The following CST3 variants were observed in gnomAD, a reference collection of about 807,000 sequenced individuals.
CST3 encodes cystatin C, also known as cystatin-C.
Under a neutral mutation model 9.0 loss-of-function variants are expected in CST3, and 14 were observed. The ratio of observed to expected loss-of-function variants is 1.56; its 90% CI spans 1.03 to 2.44. CST3 has a LOEUF of 2.44. Among genes scored for constraint, CST3 ranks in the 30% most tolerant of loss-of-function variants. The probability of loss-of-function intolerance (pLI) is 0.00; values close to 1 mark genes in which losing one functional copy is unlikely to be tolerated. For synonymous variants in CST3, 96 were observed against 90.2 expected (o/e 1.06, Z -0.37); for missense variants, 237 against 204.3 (o/e 1.16, Z -0.98).
chr20:23,632,738 C>T (rs781230302), downstream of CST3, among the ~76,000 whole-genome samples: 42 of 152,332 alleles, frequency 2.8e-4, no homozygotes, highest in South Asian at 1.7e-3. Flanking sequence ...GCCCCAGCAG[C>T]ACTGGCTGTA....
rs11542361 is a variant in CST3 at position 23,637,878 on chromosome 20, G to T, written c.-16C>A. On this transcript the variant is annotated 5_prime_UTR_variant, in exon 1 of 3. Coordinates refer to ENST00000376925, the MANE Select transcript of CST3 (RefSeq NM_000099.4). Reference sequence around the variant, plus strand: ...GCCCGGCCATGGTCGGCTAGGACGCGGGACGCGGGGAGTGGGGCGCAGGCG... The same window carrying T: ...GCCCGGCCATGGTCGGCTAGGACGCTGGACGCGGGGAGTGGGGCGCAGGCG... The T allele has an allele frequency of 7.2e-7, 1 of 1,386,898 alleles. No individual in the cohort carries two copies. Among genetic ancestry groups the T allele is most frequent in the Non-Finnish European group, 9.3e-7 (1 of 1,080,098 alleles). 85.9% of individuals were successfully genotyped at this position (1,386,898 alleles called of 1,614,324 possible). A position where few individuals can be genotyped will look rare whatever the true frequency, so the allele number is the denominator to read the frequency against.
downstream of CST3, among the ~76,000 whole-genome samples, chr20:23,633,301 C>T (rs111498024): frequency 6.3e-4 from 96 of 152,260 alleles, no homozygotes; most frequent in African/African-American, 1.7e-3. Context: ...CGAGCTCCAC[C>T]GAGGCCTGGC....
chr20:23,632,760 CCT>C (rs1055767525), downstream of CST3, among the ~76,000 whole-genome samples: 9 of 152,202 alleles, frequency 5.9e-5, no homozygotes, highest in Non-Finnish European at 1.2e-4. Flanking sequence ...GGGCTGCACC[CCT>C]GTCCTAAAAT....
At chr20:23,634,062 G>A in intron 2 of CST3, 63 bp from the exon 3 acceptor site, 3 of 1,332,258 alleles carry the variant, frequency 2.3e-6, no homozygotes, top group Non-Finnish European at 3.2e-6. Flanking sequence ...AGATGCCCAG[G>A]CACGGGACAT....
In CST3 at chr20:23,637,661, A is replaced by G. The variant is rs1329609451; in HGVS notation, c.202T>C (p.Tyr68His). ...GEYNKASNDM[Y>H]HSRALQVVRA... ...ACCACCTGCAGCGCGCGGCTGTGGT[A>G]CATGTCGTTGCTGGCTTTGTTGTAC... The change falls in exon 1 of 3, where the codon TAC becomes CAC. Residue 68 changes from tyrosine to histidine, a missense_variant. Tyr to His is a moderately conservative substitution (Grantham distance 83). Coordinates refer to ENST00000376925, the MANE Select transcript of CST3 (RefSeq NM_000099.4). 1 of 1,534,804 alleles carries G rather than the reference A, an allele frequency of 6.5e-7. No individual in the cohort carries two copies.
intron 1 of CST3, 73 bp downstream of exon 1, chr20:23,637,547 G>C: frequency 5.9e-6 from 8 of 1,359,748 alleles, no homozygotes; most frequent in Non-Finnish European, 7.7e-6. Flanking sequence ...GCAGCACGGG[G>C]TCCGGGAGCA....
intron 2 of CST3, 66 bp downstream of exon 2, chr20:23,635,188 A>G: frequency 8.1e-7 from 1 of 1,233,934 alleles, no homozygotes; most frequent in Non-Finnish European, 1.2e-6. Flanking sequence ...TGCATCACAC[A>G]CACACACACA....
chr20:23,633,132 A>G (rs1020189894), downstream of CST3, among the ~76,000 whole-genome samples: 1 of 152,138 alleles, frequency 6.6e-6, no homozygotes, highest in Non-Finnish European at 1.5e-5. Flanking sequence ...GCTCAGTTAC[A>G]CAGACAGGCT....
chr20:23,630,744 C>T (rs1952099363), downstream of CST3, among the ~76,000 whole-genome samples: 1 of 148,916 alleles, frequency 6.7e-6, no homozygotes, highest in African/African-American at 2.5e-5. Context: ...CCTCTAAGTC[C>T]ATAAATAATA....
rs1046602085 is a variant in CST3 at position 23,637,722 on chromosome 20, C to G, written c.141G>C (p.Glu47Asp). The G allele has an allele frequency of 6.5e-7, 1 of 1,543,700 alleles. No individual in the cohort carries two copies. Among genetic ancestry groups the G allele is most frequent in the South Asian group, 1.2e-5 (1 of 83,014 alleles). Residue 47 changes from glutamate (E) to aspartate (D), a missense_variant, in exon 1 of 3, where the codon GAG becomes GAC. Glu to Asp is a conservative substitution (Grantham distance 45, BLOSUM62 2). Coordinates refer to ENST00000376925, the MANE Select transcript of CST3 (RefSeq NM_000099.4). ...CAAAGTCCAGTGCACGCCGCACACC[C>G]TCCTCCTCCACGCTGGCGTCCATGG... ...GGPMDASVEE[E>D]GVRRALDFAV...
At chr20:23,636,441 A>C (rs116496577) in intron 1 of CST3, among the ~76,000 whole-genome samples, 1 of 152,098 alleles carries the variant, frequency 6.6e-6, no homozygotes, top group Non-Finnish European at 1.5e-5. Flanking sequence ...CAGCTGATAG[A>C]GGCAGGGTCA....
intron 1 of CST3, among the ~76,000 whole-genome samples, chr20:23,637,413 G>A (rs192685024): frequency 3.9e-4 from 59 of 152,210 alleles, no homozygotes; most frequent in Non-Finnish European, 7.1e-4. Context: ...CGGACCTGAC[G>A]TGTCCGTGCG....
rs1006800919 is a variant in CST3 at position 23,637,769 on chromosome 20, G to C, written c.94C>G (p.Pro32Ala). 1.3e-6 allele frequency: 2 copies of C among 1,529,132 alleles called. No individual in the cohort carries two copies. The highest frequency in any genetic ancestry group is 1.2e-5 in the South Asian group (1 of 81,808). 94.7% of individuals were successfully genotyped at this position (1,529,132 alleles called of 1,614,324 possible). Residue 32 changes from proline (P) to alanine (A), a missense_variant, in exon 1 of 3, where the codon CCG becomes GCG. Pro to Ala is a conservative substitution (Grantham distance 27). Transcript: ENST00000376925. ...SPAAGSSPGK[P>A]PRLVGGPMDA... The stretch of plus-strand genomic sequence containing the variant: ...ATGGGGCCTCCCACTAGGCGCGGCG[G>C]CTTGCCGGGACTGGAGCCGGCCGCG...
rs573014570 is a variant in CST3 at position 23,636,808 on chromosome 20, T to C, written c.243+812A>G. ...AGGGGACAGGACAGGGCTGAACTCA[T>C]GCACTCATGGCCCAGGAGCGTCCTA... is the stretch of plus-strand genomic sequence containing the variant. On this transcript the variant is annotated intron_variant, in intron 1 of 2. Coordinates refer to ENST00000376925, the MANE Select transcript of CST3 (RefSeq NM_000099.4). 9.8e-5 allele frequency among the ~76,000 whole-genome samples: 15 copies of C among 152,286 alleles called. 1 individual carries two copies. In the South Asian group the frequency reaches 3.1e-3, roughly 32 times the overall value.
downstream of CST3, among the ~76,000 whole-genome samples, chr20:23,632,604 T>C (rs1305279848): frequency 6.6e-6 from 1 of 152,226 alleles, no homozygotes; most frequent in Non-Finnish European, 1.5e-5. Context: ...GGACAGCATG[T>C]GGGGTGCTGG....
chr20:23,629,219 GA>G (rs1568700950), downstream of CST3: 1 of 152,284 alleles, frequency 6.6e-6, no homozygotes, highest in East Asian at 1.9e-4. Flanking sequence ...GAGAGGGGAG[GA>G]GGGGTGAATC....
At chr20:23,627,453 T>C (rs901842441) in exon 4 of CST3, 1 of 152,238 alleles carries the variant, frequency 6.6e-6, no homozygotes, top group African/African-American at 2.4e-5. Context: ...TGATGGACAT[T>C]TGAGGTTTTT....
chr20:23,629,734 TGGGG>T (rs72386437), downstream of CST3, among the ~76,000 whole-genome samples: 421 of 115,182 alleles, frequency 3.7e-3, 7 homozygotes, highest in African/African-American at 0.014. Context: ...CAGTGACTGG[TGGGG>T]GGGGGAGGGG....
At chr20:23,630,833 T>TAAAG (rs1029143710), downstream of CST3, among the ~76,000 whole-genome samples, 1 of 149,880 alleles carries the variant, frequency 6.7e-6, no homozygotes, top group African/African-American at 2.4e-5. Context: ...AGTCTATCAG[T>TAAAG]AAAGACTAGA....
Sources: gnomAD v4.1 joint callset for allele counts (sites outside exome capture counted in the v4.1 genomes callset) on GRCh38, gnomAD v4.1.1 for gene constraint, MANE v1.5 for transcripts, NCBI Gene and HGNC (gene_info 2026-07-23, HGNC 2026-07-21) for gene names.